Variants in DLC1 observed in about 807,000 individuals in gnomAD.
DLC1 encodes rho GTPase-activating protein 7.
Under a neutral mutation model 140.3 loss-of-function variants are expected in DLC1, and 54 were observed. The observed-to-expected ratio is 0.38, with a 90% confidence interval of 0.31 to 0.48. The LOEUF (loss-of-function observed/expected upper bound fraction) is 0.48. Ranked by LOEUF, DLC1 falls within the 20% of genes least tolerant of loss-of-function variation. DLC1 has a pLI of 0.96. For missense variants in DLC1, 2,536 were observed against 1,907.0 expected (o/e 1.33, Z -6.14); for synonymous variants, 986 against 728.1 (o/e 1.35, Z -5.70).
At chr8:13,087,748 G>A (rs929437963) in intron 16 of DLC1, among the ~76,000 whole-genome samples, 2 of 152,202 alleles carry the variant, frequency 1.3e-5, no homozygotes, top group African/African-American at 2.4e-5. Context: ...GACTTCCAAT[G>A]TGACATTTCC....
chr8:13,124,988 T>C (rs966424804), intron 5 of DLC1, among the ~76,000 whole-genome samples: 3 of 152,148 alleles, frequency 2.0e-5, no homozygotes, highest in Admixed American at 6.5e-5. Flanking sequence ...TTTTCCTTTT[T>C]TTTTTTGAGA....
At chr8:13,217,947 C>T (rs532642337) in intron 5 of DLC1, among the ~76,000 whole-genome samples, 79 of 152,078 alleles carry the variant, frequency 5.2e-4, no homozygotes, top group African/African-American at 1.6e-3. Flanking sequence ...TTCCTTTTTG[C>T]TCACTCTGGG....
At chr8:13,448,435 C>G (rs1233137942) in intron 2 of DLC1, among the ~76,000 whole-genome samples, 1 of 151,142 alleles carries the variant, frequency 6.6e-6, no homozygotes, top group Non-Finnish European at 1.5e-5. Context: ...GCAATCTTGG[C>G]CCACTGCAAC....
At chr8:13,356,575 T>C (rs1039796406) in intron 4 of DLC1, among the ~76,000 whole-genome samples, 1 of 152,210 alleles carries the variant, frequency 6.6e-6, no homozygotes, top group Non-Finnish European at 1.5e-5. Flanking sequence ...CTTAGAATTT[T>C]TCCAAATGAT....
intron 2 of DLC1, among the ~76,000 whole-genome samples, chr8:13,453,480 GTATATATATACATATATATATGTA>G (rs1563360480): frequency 3.8e-4 from 7 of 18,622 alleles, no homozygotes; most frequent in Non-Finnish European, 5.3e-4. Flanking sequence ...ACATATATAT[GTATATATATACATATATATATGTA>G]TATATATATA....
At chr8:13,343,149 C>T (rs191917544) in intron 4 of DLC1, among the ~76,000 whole-genome samples, 5 of 152,166 alleles carry the variant, frequency 3.3e-5, no homozygotes, top group Non-Finnish European at 2.9e-5. Flanking sequence ...GGCTTGGAAG[C>T]TACAAAGAAA....
At chr8:13,120,356 A>AAAAAAAATATATATAT in intron 5 of DLC1, among the ~76,000 whole-genome samples, 1 of 61,124 alleles carries the variant, frequency 1.6e-5, no homozygotes, top group African/African-American at 4.2e-5. Flanking sequence ...AAAAAAAAAA[A>AAAAAAAATATATATAT]ATATATATAT....
chr8:13,542,262 G>A (rs1803509099), intron 1 of DLC1, among the ~76,000 whole-genome samples: 1 of 152,068 alleles, frequency 6.6e-6, no homozygotes, highest in Non-Finnish European at 1.5e-5. Context: ...ATTTTTTTAT[G>A]CCTATGTATG....
intron 5 of DLC1, among the ~76,000 whole-genome samples, chr8:13,287,047 T>A (rs1831558138): frequency 6.6e-6 from 1 of 152,148 alleles, no homozygotes; most frequent in Admixed American, 6.5e-5. Flanking sequence ...TTCTTTTGTG[T>A]GTATATGTGT....
chr8:13,506,581 G>GTGTGTGTATATATATA (rs1246764417), intron 1 of DLC1, among the ~76,000 whole-genome samples: 22 of 131,132 alleles, frequency 1.7e-4, no homozygotes, highest in African/African-American at 5.5e-4. Flanking sequence ...GTGTGTGTGT[G>GTGTGTGTATATATATA]TATATATATA....
At chr8:13,481,876 A>C (rs1302408072) in intron 2 of DLC1, among the ~76,000 whole-genome samples, 4 of 152,176 alleles carry the variant, frequency 2.6e-5, no homozygotes, top group Non-Finnish European at 5.9e-5. Context: ...ATATGGACAT[A>C]GTCACACACA....
At chr8:13,327,220 G>A (rs1029520642) in intron 4 of DLC1, among the ~76,000 whole-genome samples, 15 of 134,428 alleles carry the variant, frequency 1.1e-4, no homozygotes, top group South Asian at 2.5e-4. Flanking sequence ...TGATCCGCCC[G>A]CCTTGGCCTC....
intron 5 of DLC1, among the ~76,000 whole-genome samples, chr8:13,185,122 C>CTTTTTTTTTTTTTTTTTT (rs1193667992): frequency 4.7e-5 from 4 of 84,560 alleles, no homozygotes; most frequent in African/African-American, 1.6e-4. Context: ...GCAACCCCTG[C>CTTTTTTTTTTTTTTTTTT]TTTTTTTTTT....
At chr8:13,450,557 T>C (rs1200419038) in intron 2 of DLC1, among the ~76,000 whole-genome samples, 1 of 152,034 alleles carries the variant, frequency 6.6e-6, no homozygotes, top group Non-Finnish European at 1.5e-5. Context: ...AAACAATATT[T>C]GAATTTGAAA....
chr8:13,325,973 C>T lies in DLC1; in HGVS notation c.1315-20671G>A, dbSNP rs189820679. On this transcript the variant is annotated intron_variant, in intron 4 of 17. Transcript: ENST00000276297. Reference sequence around the variant, plus strand: ...CCGGATGTATGACACTTGATATTGGCATTGCATAGTAGAGGAAATGATTGA... The same window carrying T: ...CCGGATGTATGACACTTGATATTGGTATTGCATAGTAGAGGAAATGATTGA... Among the ~76,000 whole-genome samples, 14 of 152,186 alleles carry T rather than the reference C, an allele frequency of 9.2e-5. No individual in the cohort carries two copies. The East Asian group carries it at 2.7e-3, about 29-fold the overall frequency.
intron 4 of DLC1, among the ~76,000 whole-genome samples, chr8:13,379,256 T>G (rs1365180725): frequency 6.6e-6 from 1 of 152,188 alleles, no homozygotes; most frequent in Non-Finnish European, 1.5e-5. Flanking sequence ...CTGGCCTAAT[T>G]GCCTTCACCC....
chr8:13,554,574 C>T (rs79338231), intron 1 of DLC1, among the ~76,000 whole-genome samples: 2,555 of 152,202 alleles, frequency 0.017, 76 homozygotes, highest in African/African-American at 0.058. Flanking sequence ...TGACTCAATC[C>T]TTTCAGTTTC....
chr8:13,393,743 AT>A, intron 3 of DLC1, 50 bp from the exon 4 acceptor site: 5 of 1,576,792 alleles, frequency 3.2e-6, no homozygotes, highest in Non-Finnish European at 4.3e-6. Flanking sequence ...ATGTTCCCAA[AT>A]GCCCTTCTTC....
chr8:13,156,533 G>A (rs1043211658), intron 5 of DLC1, among the ~76,000 whole-genome samples: 5 of 152,040 alleles, frequency 3.3e-5, no homozygotes, highest in Admixed American at 2.6e-4. Flanking sequence ...ATTTTCTCTC[G>A]GAAATTCTGA....
Sources: allele counts gnomAD v4.1 joint callset (sites outside exome capture counted in the v4.1 genomes callset), GRCh38; gene constraint gnomAD v4.1.1; transcripts MANE v1.5; gene names NCBI Gene and HGNC (gene_info 2026-07-23, HGNC 2026-07-21).